The following NHS variants were observed in gnomAD, a reference collection of about 807,000 sequenced individuals.
The protein encoded by NHS is actin remodeling regulator NHS.
Under a neutral mutation model 72.5 loss-of-function variants are expected in NHS, and 5 were observed. That is an observed-to-expected ratio of 0.07 (90% CI 0.04 to 0.14). The LOEUF (loss-of-function observed/expected upper bound fraction) is 0.14, where lower values mean the gene tolerates loss of function less well. Ranked by LOEUF, NHS falls within the 10% of genes least tolerant of loss-of-function variation. The probability of loss-of-function intolerance (pLI) is 1.00; values close to 1 mark genes in which losing one functional copy is unlikely to be tolerated. For synonymous variants in NHS, 464 were observed against 547.7 expected (o/e 0.85, Z 2.13); for missense variants, 1,072 against 1,355.7 (o/e 0.79, Z 3.29).
chrX:17,608,168 G>A (rs1045294716), intron 1 of NHS, among the ~76,000 whole-genome samples: 10 of 110,472 alleles, frequency 9.1e-5, no homozygotes, highest in Non-Finnish European at 1.5e-4. Flanking sequence ...CCCTGCCTCC[G>A]CCTCCCAAAG....
At chrX:17,404,803 G>GTCTCTCTC (rs368840034) in intron 1 of NHS, among the ~76,000 whole-genome samples, 2 of 96,572 alleles carry the variant, frequency 2.1e-5, no homozygotes, top group African/African-American at 7.9e-5. Context: ...GTAACACTCT[G>GTCTCTCTC]TCTCTCTCTC....
rs767619718 is a variant in NHS, at chrX:17,448,687, T to C, written c.565+72365T>C. Among the ~76,000 whole-genome samples the C allele has an allele frequency of 7.1e-5, 8 of 112,043 alleles. No individual in the cohort carries two copies. In the South Asian group the frequency reaches 1.9e-3, roughly 26 times the overall value. On this transcript the variant is annotated intron_variant, in intron 1 of 8. Coordinates refer to ENST00000676302, the MANE Select transcript of NHS (RefSeq NM_001291867.2). ...ACTTCCTTTACTTTGATCTCTTGCCTCTGGTTTTTAATGAGCAGGAGCTTT... is the reference window on the plus strand; with the variant it reads ...ACTTCCTTTACTTTGATCTCTTGCCCCTGGTTTTTAATGAGCAGGAGCTTT...
At chrX:17,707,192 T>G (rs1278498299) in intron 3 of NHS, among the ~76,000 whole-genome samples, 2 of 111,701 alleles carry the variant, frequency 1.8e-5, no homozygotes, top group East Asian at 5.7e-4. Flanking sequence ...GGGTGGGATA[T>G]CTGATGGTCT....
chrX:17,508,139 C>T (rs940633136), intron 1 of NHS, among the ~76,000 whole-genome samples: 10 of 109,555 alleles, frequency 9.1e-5, no homozygotes, highest in African/African-American at 2.4e-4. Flanking sequence ...TTGTGATGAA[C>T]TATGGTACAA....
intron 1 of NHS, among the ~76,000 whole-genome samples, chrX:17,556,444 A>G (rs765020829): frequency 1.1e-4 from 12 of 108,598 alleles, no homozygotes; most frequent in African/African-American, 4.4e-4. Context: ...GGTCAATGTC[A>G]GGTTTAAGTC....
chrX:17,634,859 C>T (rs999571553), intron 1 of NHS, among the ~76,000 whole-genome samples: 1 of 111,739 alleles, frequency 8.9e-6, no homozygotes, highest in African/African-American at 3.3e-5. Context: ...AATAGCGCAC[C>T]CTCACACCAA....
At chrX:17,694,084 C>G (rs1287806472) in intron 3 of NHS, among the ~76,000 whole-genome samples, 1 of 111,620 alleles carries the variant, frequency 9.0e-6, no homozygotes, top group Non-Finnish European at 1.9e-5. Flanking sequence ...TTAATAATGT[C>G]TAAATACTAA....
At position 17,545,185 on chromosome X, in the gene NHS, T is replaced by G. The variant is rs936445835; in HGVS notation, c.566-142557T>G. ...GCCCCAAAGCCTGCATTGAAGAGTG[T>G]GATGGCCAGGGCTAGAGATCAAACT... On this transcript the variant is annotated intron_variant, in intron 1 of 8. Transcript: ENST00000676302. 6.2e-5 allele frequency among the ~76,000 whole-genome samples: 7 copies of G among 112,701 alleles called. No homozygotes were observed. In the East Asian group the frequency reaches 2.0e-3, roughly 32 times the overall value.
chrX:17,474,787 A>C (rs976154282), intron 1 of NHS, among the ~76,000 whole-genome samples: 1 of 111,587 alleles, frequency 9.0e-6, no homozygotes, highest in African/African-American at 3.3e-5. Context: ...TAATCCCAGC[A>C]GTTGGGAGAT....
chrX:17,440,211 A>G (rs183029760), intron 1 of NHS, among the ~76,000 whole-genome samples: 44 of 96,054 alleles, frequency 4.6e-4, no homozygotes, highest in African/African-American at 1.7e-3. Flanking sequence ...GCAAGCCGAG[A>G]TTGTGCCTGT....
At chrX:17,631,382 A>G (rs1426659443) in intron 1 of NHS, among the ~76,000 whole-genome samples, 1 of 112,113 alleles carries the variant, frequency 8.9e-6, no homozygotes, top group African/African-American at 3.2e-5. Context: ...TCCTTTCACT[A>G]ACAGACCTAA....
At chrX:17,698,335 A>C (rs1359420608) in intron 3 of NHS, among the ~76,000 whole-genome samples, 3 of 112,365 alleles carry the variant, frequency 2.7e-5, no homozygotes, top group Admixed American at 9.4e-5. Context: ...GTGCAAATAA[A>C]TTTGAAAACC....
chrX:17,426,862 C>T (rs1475795265), intron 1 of NHS, among the ~76,000 whole-genome samples: 1 of 112,035 alleles, frequency 8.9e-6, no homozygotes, highest in Non-Finnish European at 1.9e-5. Flanking sequence ...ATCATGGTTG[C>T]TCTGCAGGGA....
At chrX:17,635,101 G>A (rs913242906) in intron 1 of NHS, among the ~76,000 whole-genome samples, 1 of 111,662 alleles carries the variant, frequency 9.0e-6, no homozygotes, top group Non-Finnish European at 1.9e-5. Context: ...TCTTAAACTG[G>A]TGTGGCCCGA....
intron 1 of NHS, among the ~76,000 whole-genome samples, chrX:17,516,348 T>C (rs1421113420): frequency 9.0e-6 from 1 of 111,287 alleles, no homozygotes; most frequent in Non-Finnish European, 1.9e-5. Context: ...GAATGATTTT[T>C]TGAAAGGCAG....
intron 1 of NHS, among the ~76,000 whole-genome samples, chrX:17,482,084 C>G (rs2064948135): frequency 8.9e-6 from 1 of 112,013 alleles, no homozygotes; most frequent in Non-Finnish European, 1.9e-5. Context: ...AGCTTTACTT[C>G]AGTTTTCTCA....
At chrX:17,713,150 CAT>C (rs1310061347) in intron 3 of NHS, among the ~76,000 whole-genome samples, 1 of 111,684 alleles carries the variant, frequency 9.0e-6, no homozygotes, top group African/African-American at 3.3e-5. Context: ...ACAAGAATGA[CAT>C]GTGAAGAAGG....
intron 1 of NHS, among the ~76,000 whole-genome samples, chrX:17,634,239 G>A (rs951652254): frequency 1.8e-5 from 2 of 112,166 alleles, no homozygotes; most frequent in Non-Finnish European, 3.8e-5. Flanking sequence ...CCTCAGCGCC[G>A]TTCAGTTCCT....
At chrX:17,597,215 G>A (rs60516309) in intron 1 of NHS, among the ~76,000 whole-genome samples, 14,989 of 105,590 alleles carry the variant, frequency 0.14, 2,624 homozygotes, top group African/African-American at 0.49. Flanking sequence ...CGCCTCCCGG[G>A]TTCACGCCAT....
Sources: gnomAD v4.1 joint callset for allele counts (sites outside exome capture counted in the v4.1 genomes callset) on GRCh38, gnomAD v4.1.1 for gene constraint, MANE v1.5 for transcripts, NCBI Gene and HGNC (gene_info 2026-07-23, HGNC 2026-07-21) for gene names.